The following MITF variants were observed in gnomAD, a reference collection of about 807,000 sequenced individuals.
MITF encodes microphthalmia-associated transcription factor.
Under a neutral mutation model 60.5 loss-of-function variants are expected in MITF, and 17 were observed. The observed-to-expected ratio is 0.28, with a 90% CI of 0.19 to 0.42. The LOEUF is 0.42. MITF is among the 10% of genes least tolerant of loss of function. The pLI is 1.00. For synonymous variants in MITF, 260 were observed against 248.5 expected (o/e 1.05, Z -0.43); for missense variants, 622 against 683.5 (o/e 0.91, Z 1.00).
At chr3:69,929,511 T>C (rs1197334497) in intron 2 of MITF, among the ~76,000 whole-genome samples, 1 of 152,102 alleles carries the variant, frequency 6.6e-6, no homozygotes, top group African/African-American at 2.4e-5. Context: ...TAGCTCTGGT[T>C]TGGGGCCCTG....
intron 1 of MITF, among the ~76,000 whole-genome samples, chr3:69,829,793 A>G (rs555600325): frequency 6.6e-6 from 1 of 152,060 alleles, no homozygotes; most frequent in East Asian, 1.9e-4. Context: ...TAACATCACT[A>G]TTGGTGTGGT....
intron 1 of MITF, among the ~76,000 whole-genome samples, chr3:69,821,692 A>ACT: frequency 4.9e-5 from 7 of 142,006 alleles, no homozygotes; most frequent in African/African-American, 1.8e-4. Context: ...AAAAAAACTA[A>ACT]AAAAAAAAAA....
At chr3:69,948,568 C>T (rs1377216648) in intron 5 of MITF, among the ~76,000 whole-genome samples, 7 of 151,334 alleles carry the variant, frequency 4.6e-5, no homozygotes, top group Admixed American at 2.6e-4. Flanking sequence ...ACTTTCATTG[C>T]TTTTCCTTGT....
chr3:69,826,875 T>G (rs1013876057), intron 1 of MITF, among the ~76,000 whole-genome samples: 4 of 152,248 alleles, frequency 2.6e-5, no homozygotes, highest in Non-Finnish European at 5.9e-5. Flanking sequence ...TTTTTCATTT[T>G]CTCAGGGCCT....
rs143537610 is a variant in MITF, at chr3:69,965,051, G to A, written c.1384G>A (p.Gly462Arg). ...CACCATCACCTTCAACAACAACCTC[G>A]GAACTGGGACTGAGGCCAACCAAGC... is the stretch of plus-strand genomic sequence containing the variant. ...DGTITFNNNL[G>R]TGTEANQAYS... The change falls in exon 10 of 10, where the codon GGA (glycine) becomes AGA (arginine). Residue 462 changes from glycine to arginine, a missense_variant. Around this residue, in one of 5 missense-constraint regions of MITF, gnomAD observed 224 missense variants for 209.5 expected, o/e 1.07. Coordinates refer to ENST00000352241, the MANE Select transcript of MITF (RefSeq NM_001354604.2). 64 of 1,614,030 alleles carry A rather than the reference G, an allele frequency of 4.0e-5. No individual in the cohort carries two copies. The highest frequency in any genetic ancestry group is 5.0e-5 in the Admixed American group (3 of 60,014).
chr3:69,835,700 CTGATTTTCTCAGCACCA>C (rs2063529261), intron 1 of MITF, among the ~76,000 whole-genome samples: 2 of 152,088 alleles, frequency 1.3e-5, no homozygotes, highest in African/African-American at 4.8e-5. Flanking sequence ...ATATGAATAT[CTGATTTTCTCAGCACCA>C]TGTATTAAGG....
intron 2 of MITF, among the ~76,000 whole-genome samples, chr3:69,917,549 T>C (rs1415348635): frequency 6.6e-6 from 1 of 152,120 alleles, no homozygotes; most frequent in Non-Finnish European, 1.5e-5. Flanking sequence ...AATCTCTCCT[T>C]ATATAACATT....
In MITF at chr3:69,941,277, T is replaced by C. The variant is rs1321609968; in HGVS notation, c.708T>C (p.Ser236=). Residue 236 remains serine, a synonymous_variant, in exon 5 of 10, where the codon AGT becomes AGC. Transcript: ENST00000352241. ...ATGACATCATTAGCCTAGAATCAAG[T>C]TATAATGAGGAAATCTTGGGCTTGA... ...VIDDIISLES[S]YNEEILGLMD... 1 of 1,613,230 alleles carries C rather than the reference T, an allele frequency of 6.2e-7. No homozygotes were observed. The highest frequency in any genetic ancestry group is 2.2e-5 in the East Asian group (1 of 44,774).
intron 1 of MITF, among the ~76,000 whole-genome samples, chr3:69,836,411 T>C (rs1280928173): frequency 6.6e-6 from 1 of 152,172 alleles, no homozygotes; most frequent in African/African-American, 2.4e-5. Context: ...TTATTTATGG[T>C]TTTCCTGAAA....
chr3:69,859,132 T>C (rs2063968459), intron 1 of MITF, among the ~76,000 whole-genome samples: 1 of 152,188 alleles, frequency 6.6e-6, no homozygotes. Flanking sequence ...ATCACCACAC[T>C]ATCCTGTCTC....
intron 2 of MITF, among the ~76,000 whole-genome samples, chr3:69,924,833 T>A (rs2065549633): frequency 6.6e-6 from 1 of 152,244 alleles, no homozygotes; most frequent in Non-Finnish European, 1.5e-5. Context: ...GAAAGCCTTC[T>A]GTATGAGACT....
intron 3 of MITF, 103 bp downstream of exon 3, chr3:69,938,152 C>A: frequency 1.5e-6 from 2 of 1,303,938 alleles, no homozygotes; most frequent in East Asian, 2.5e-5. Flanking sequence ...GTCCTTGTGG[C>A]CACATTTACC....
intron 2 of MITF, among the ~76,000 whole-genome samples, chr3:69,895,159 T>G (rs2064847434): frequency 6.6e-6 from 1 of 152,202 alleles, no homozygotes; most frequent in Non-Finnish European, 1.5e-5. Context: ...GACAAAGGAC[T>G]TTAAAAGCCT....
At chr3:69,747,808 G>C (rs765650892) in intron 1 of MITF, among the ~76,000 whole-genome samples, 3 of 152,148 alleles carry the variant, frequency 2.0e-5, no homozygotes, top group Non-Finnish European at 4.4e-5. Flanking sequence ...GTCATCCCTT[G>C]TTCTCCTGAC....
chr3:69,757,048 T>C (rs539936068), intron 1 of MITF, among the ~76,000 whole-genome samples: 1 of 152,308 alleles, frequency 6.6e-6, no homozygotes, highest in African/African-American at 2.4e-5. Context: ...GTTAGATGGA[T>C]AGATTGCAAA....
intron 1 of MITF, among the ~76,000 whole-genome samples, chr3:69,826,363 A>T (rs140853622): frequency 2.0e-5 from 3 of 152,166 alleles, no homozygotes; most frequent in Non-Finnish European, 2.9e-5. Context: ...TGGGAAATTG[A>T]TTCTTCCTCA....
chr3:69,777,869 G>C lies in MITF; in HGVS notation c.104+38168G>C, dbSNP rs76807115. On this transcript the variant is annotated intron_variant, in intron 1 of 9. Coordinates refer to ENST00000352241, the MANE Select transcript of MITF (RefSeq NM_001354604.2). ...GTACTTTTTAAGCCATGGTAAGAAG[G>C]GTGGGCTTTATTAGAAGGCCAATAG... 3.2e-3 allele frequency among the ~76,000 whole-genome samples: 488 copies of C among 152,250 alleles called. 18 individuals carry two copies. The South Asian group carries it at 0.067, about 21-fold the overall frequency.
intron 1 of MITF, among the ~76,000 whole-genome samples, chr3:69,825,192 T>C (rs567640647): frequency 6.6e-6 from 1 of 152,232 alleles, no homozygotes; most frequent in Non-Finnish European, 1.5e-5. Context: ...CCATCAATAG[T>C]ATTATGGGGT....
intron 1 of MITF, among the ~76,000 whole-genome samples, chr3:69,780,334 C>A (rs903411862): frequency 4.6e-5 from 7 of 152,248 alleles, no homozygotes; most frequent in East Asian, 3.9e-4. Context: ...TTTGTGAAAT[C>A]TCTCAATTTT....
Sources: gnomAD v4.1 joint callset for allele counts (sites outside exome capture counted in the v4.1 genomes callset) on GRCh38, gnomAD v4.1.1 for gene constraint, gnomAD v4.1.1 regional missense constraint, MANE v1.5 for transcripts, NCBI Gene and HGNC (gene_info 2026-07-23, HGNC 2026-07-21) for gene names.